Variants in MAST2 observed in about 807,000 individuals in gnomAD.
MAST2 encodes microtubule associated serine/threonine kinase 2.
MAST2 carries 70 observed loss-of-function variants against 147.4 expected under a neutral mutation model. The ratio of observed to expected loss-of-function variants is 0.47; its 90% CI spans 0.39 to 0.58. The LOEUF (loss-of-function observed/expected upper bound fraction) is 0.58, where lower values mean the gene tolerates loss of function less well. MAST2 is among the 20% of genes least tolerant of loss of function. The pLI is 0.00. For synonymous variants in MAST2, 869 were observed against 896.8 expected (o/e 0.97, Z 0.55); for missense variants, 2,080 against 2,302.3 (o/e 0.90, Z 1.98).
intron 4 of MAST2, among the ~76,000 whole-genome samples, chr1:45,941,042 G>A (rs1399911715): frequency 6.6e-6 from 1 of 152,172 alleles, no homozygotes; most frequent in Non-Finnish European, 1.5e-5. Context: ...GATAAAACTG[G>A]TCTTAAGGTT....
intron 3 of MAST2, among the ~76,000 whole-genome samples, chr1:45,881,686 A>T (rs936362288): frequency 2.2e-4 from 34 of 152,062 alleles, no homozygotes; most frequent in African/African-American, 6.8e-4. Context: ...ATCCTATTTC[A>T]TTCCTTCTGT....
chr1:45,938,769 A>G lies in MAST2; in HGVS notation c.501-20617A>G, dbSNP rs933595808. Among the ~76,000 whole-genome samples, 10 of 152,298 alleles carry G rather than the reference A, an allele frequency of 6.6e-5. No individual in the cohort carries two copies. In the South Asian group the frequency reaches 1.5e-3, roughly 22 times the overall value. ...TTTAACCATTCTAGTGGTGTGTAGTATATCACTGTGGTTTTAATTTACATT... is the reference window on the plus strand; with the variant it reads ...TTTAACCATTCTAGTGGTGTGTAGTGTATCACTGTGGTTTTAATTTACATT... On this transcript the variant is annotated intron_variant, in intron 4 of 28. Transcript: ENST00000361297.
intron 3 of MAST2, among the ~76,000 whole-genome samples, chr1:45,865,565 T>G (rs1270488095): frequency 6.6e-6 from 1 of 152,130 alleles, no homozygotes; most frequent in East Asian, 1.9e-4. Context: ...AAATTATCAC[T>G]TGGCATATAC....
At chr1:45,975,104 A>G (rs1200578828) in intron 5 of MAST2, among the ~76,000 whole-genome samples, 1 of 152,130 alleles carries the variant, frequency 6.6e-6, no homozygotes, top group East Asian at 1.9e-4. Flanking sequence ...GGCATGTGAA[A>G]TCCAACAGCC....
rs770854141 is a variant in MAST2 at position 45,882,447 on chromosome 1, C to G, written c.500+52C>G. 20 of 1,362,658 alleles carry G rather than the reference C, an allele frequency of 1.5e-5. No homozygotes were observed. In the African/African-American group the frequency reaches 2.3e-4, roughly 16 times the overall value. The allele number at this position is 1,362,658 out of a possible 1,614,324, so 84.4% of individuals were successfully genotyped here. On this transcript the variant is annotated intron_variant, in intron 4 of 28. Transcript: ENST00000361297. ...ATTATGATCTCCTACTTAGGAACCC[C>G]TCTTGGGAACATTTCCCACTATCAT... is the stretch of plus-strand genomic sequence containing the variant.
Position 45,803,839 on chromosome 1 carries a change from G to C in MAST2, c.-57G>C, listed in dbSNP as rs2148612250. On this transcript the variant is annotated 5_prime_UTR_variant, in exon 1 of 29. Transcript: ENST00000361297. ...TTGGCGCGGCTGCGCTGCGGCCCGG[G>C]GCAGTGCGGAGCCGGGACAGTCGCG... is the stretch of plus-strand genomic sequence containing the variant. 2.2e-6 allele frequency: 1 copy of C among 457,022 alleles called. No individual in the cohort carries two copies. The highest frequency in any genetic ancestry group is 3.9e-5 in the East Asian group (1 of 25,808). The allele number at this position is 457,022 out of a possible 1,614,324, so 28.3% of individuals were successfully genotyped here.
chr1:45,808,010 C>A (rs1644190523), intron 1 of MAST2, among the ~76,000 whole-genome samples: 1 of 152,164 alleles, frequency 6.6e-6, no homozygotes, highest in Non-Finnish European at 1.5e-5. Context: ...ACATCTCACA[C>A]GTAACTTTTT....
chr1:45,816,922 C>T (rs1644473410), intron 1 of MAST2, among the ~76,000 whole-genome samples: 1 of 152,186 alleles, frequency 6.6e-6, no homozygotes, highest in African/African-American at 2.4e-5. Flanking sequence ...CGTGATCCAC[C>T]TGCCTCGGCT....
rs369038713 is a variant in MAST2, at chr1:45,824,526, C to T, written c.271C>T (p.Leu91=). Residue 91 remains leucine (L), a synonymous_variant, in exon 2 of 29, where the codon CTG becomes TTG. Transcript: ENST00000361297. ...TGGAAAAGTTAAACTTCAGCGACAA[C>T]TGAGTCAGGATGATTGTAAGTTATG... The part of the protein sequence containing the change: ...STGKVKLQRQ[L]SQDDCKLWRG... 2.0e-5 allele frequency: 32 copies of T among 1,611,286 alleles called. No individual in the cohort carries two copies. Among genetic ancestry groups the T allele is most frequent in the Non-Finnish European group, 2.6e-5 (31 of 1,178,430 alleles).
chr1:45,852,593 A>T (rs1471519274), intron 3 of MAST2, among the ~76,000 whole-genome samples: 3 of 148,438 alleles, frequency 2.0e-5, no homozygotes, highest in Non-Finnish European at 4.5e-5. Flanking sequence ...CTGGTCTCGA[A>T]CTCCTGGGCT....
At chr1:45,901,129 T>G (rs973108872) in intron 4 of MAST2, among the ~76,000 whole-genome samples, 37 of 152,210 alleles carry the variant, frequency 2.4e-4, no homozygotes, top group African/African-American at 8.4e-4. Flanking sequence ...TTTTTATAGT[T>G]TCAGGTCTTA....
At chr1:45,925,402 C>T (rs1654204868) in intron 4 of MAST2, among the ~76,000 whole-genome samples, 1 of 152,174 alleles carries the variant, frequency 6.6e-6, no homozygotes, top group Admixed American at 6.5e-5. Flanking sequence ...TAACCACTAA[C>T]CTTTACTCCA....
chr1:45,974,949 T>A (rs1187946191), intron 5 of MAST2, among the ~76,000 whole-genome samples: 1 of 152,214 alleles, frequency 6.6e-6, no homozygotes, highest in Non-Finnish European at 1.5e-5. Context: ...TGTATGTGAC[T>A]TTTAGCAAGG....
intron 5 of MAST2, among the ~76,000 whole-genome samples, chr1:45,992,656 T>C (rs1644895914): frequency 6.6e-6 from 1 of 152,190 alleles, no homozygotes; most frequent in East Asian, 1.9e-4. Context: ...GTGAAACATC[T>C]GAAACAGGTG....
intron 5 of MAST2, among the ~76,000 whole-genome samples, chr1:45,973,609 C>A (rs938773741): frequency 1.3e-5 from 2 of 152,148 alleles, no homozygotes; most frequent in African/African-American, 4.8e-5. Context: ...ATGTCATCAC[C>A]TAGGGAGTGA....
At chr1:45,850,077 C>T (rs991416161) in intron 3 of MAST2, among the ~76,000 whole-genome samples, 3 of 152,132 alleles carry the variant, frequency 2.0e-5, no homozygotes, top group Non-Finnish European at 2.9e-5. Context: ...ACAGTGTATA[C>T]GTGTTCCCTT....
At chr1:45,950,319 T>C (rs538014767) in intron 4 of MAST2, among the ~76,000 whole-genome samples, 2 of 152,262 alleles carry the variant, frequency 1.3e-5, no homozygotes, top group East Asian at 3.9e-4. Context: ...AGATGAGGTC[T>C]TGGCTTGTTT....
chr1:45,926,043 C>T (rs767510410), intron 4 of MAST2, among the ~76,000 whole-genome samples: 9 of 152,196 alleles, frequency 5.9e-5, no homozygotes, highest in Admixed American at 3.3e-4. Context: ...ATTTTACCAA[C>T]ACCTGCTTTT....
chr1:45,881,310 A>G (rs1557862860), intron 3 of MAST2, among the ~76,000 whole-genome samples: 1 of 152,370 alleles, frequency 6.6e-6, no homozygotes, highest in African/African-American at 2.4e-5. Context: ...TCAGTGAACT[A>G]AAGTGAAATA....
Sources: allele counts gnomAD v4.1 joint callset (sites outside exome capture counted in the v4.1 genomes callset), GRCh38; gene constraint gnomAD v4.1.1; transcripts MANE v1.5; gene names NCBI Gene and HGNC (gene_info 2026-07-23, HGNC 2026-07-21).